GALNT16: variants seen among roughly 807,000 people sequenced by gnomAD.
GALNT16 encodes the protein polypeptide N-acetylgalactosaminyltransferase 16.
A neutral mutation model predicts 76.1 loss-of-function variants in GALNT16; 40 were observed. That is an observed-to-expected ratio of 0.53 (90% confidence interval 0.41 to 0.68). GALNT16 has a LOEUF of 0.68. Ranked by LOEUF, GALNT16 falls within the 30% of genes least tolerant of loss-of-function variation. The probability of loss-of-function intolerance (pLI) is 0.00; values close to 1 mark genes in which losing one functional copy is unlikely to be tolerated. For missense variants in GALNT16, 621 were observed against 731.9 expected (o/e 0.85, Z 1.75); for synonymous variants, 276 against 285.2 (o/e 0.97, Z 0.32).
downstream of GALNT16, among the ~76,000 whole-genome samples, chr14:69,360,698 AGAAAT>A (rs1458673149): frequency 1.3e-5 from 2 of 152,214 alleles, no homozygotes; most frequent in South Asian, 2.1e-4. Flanking sequence ...AGAAAAGAAA[AGAAAT>A]GAAGAAATGC....
rs576703537 is a variant in GALNT16 at position 69,307,454 on chromosome 14, A to G, written c.178-13257A>G. On this transcript the variant is annotated intron_variant, in intron 1 of 14. Transcript: ENST00000448469. ...AGTGGATATTGTTCCGGCTCATTTG[A>G]TATTTGAGGTGGAAGAAGACTCAGA... 1.4e-3 allele frequency among the ~76,000 whole-genome samples: 210 copies of G among 152,226 alleles called. 2 individuals carry two copies. Among genetic ancestry groups the G allele is most frequent in the South Asian group, 0.011 (54 of 4,808 alleles).
At chr14:69,316,778 G>T (rs932617242) in intron 1 of GALNT16, among the ~76,000 whole-genome samples, 3 of 126,300 alleles carry the variant, frequency 2.4e-5, no homozygotes, top group Non-Finnish European at 3.4e-5. Context: ...AGTCTGTGAG[G>T]GGGGGGGGCA....
chr14:69,286,309 T>TA (rs2044611120), intron 1 of GALNT16, among the ~76,000 whole-genome samples: 1 of 151,652 alleles, frequency 6.6e-6, no homozygotes, highest in South Asian at 2.1e-4. Context: ...AGGCACTTTT[T>TA]TTTTTTTTTT....
chr14:69,345,862 T>C (rs1198086427), intron 12 of GALNT16, among the ~76,000 whole-genome samples: 1 of 151,898 alleles, frequency 6.6e-6, no homozygotes, highest in East Asian at 1.9e-4. Flanking sequence ...CAAGTATCAT[T>C]TCACAGAGTC....
the GALNT16 span, among the ~76,000 whole-genome samples, chr14:69,367,118 G>T: frequency 1.3e-5 from 2 of 152,110 alleles, no homozygotes; most frequent in Non-Finnish European, 1.5e-5. Flanking sequence ...CAAGAAGTGT[G>T]GTCCGTACAG....
chr14:69,290,960 C>T (rs1278819989), intron 1 of GALNT16, among the ~76,000 whole-genome samples: 1 of 152,120 alleles, frequency 6.6e-6, no homozygotes, highest in Admixed American at 6.5e-5. Flanking sequence ...GGCAGCCCGC[C>T]GGCCAGGAGA....
intron 6 of GALNT16, among the ~76,000 whole-genome samples, chr14:69,329,170 C>A (rs1212679714): frequency 6.6e-6 from 1 of 152,148 alleles, no homozygotes; most frequent in Non-Finnish European, 1.5e-5. Context: ...CCAGCCTGGC[C>A]AACATGGTGA....
downstream of GALNT16, chr14:69,355,808 A>G (rs2045688688): frequency 6.6e-6 from 1 of 152,236 alleles, no homozygotes; most frequent in South Asian, 2.1e-4. Context: ...ACTTGGCTTC[A>G]GTTTTTACAA....
chr14:69,351,998 C>A (rs374291529), intron 14 of GALNT16, 33 bp from the exon 15 acceptor site: 1 of 1,569,808 alleles, frequency 6.4e-7, no homozygotes, highest in Non-Finnish European at 8.7e-7. Context: ...TTGTTTTCTC[C>A]TTCCTCTTCT....
chr14:69,286,177 G>T (rs955220221), intron 1 of GALNT16, among the ~76,000 whole-genome samples: 2 of 152,198 alleles, frequency 1.3e-5, no homozygotes, highest in African/African-American at 4.8e-5. Context: ...GGGCACGCGG[G>T]ACAAGGGCAG....
At chr14:69,320,985 A>G (rs985315829) in intron 2 of GALNT16, 117 bp downstream of exon 2, 1 of 1,066,442 alleles carries the variant, frequency 9.4e-7, no homozygotes, top group Non-Finnish European at 1.4e-6. Context: ...GACTGTGTCC[A>G]GTGATTTAGA....
intron 1 of GALNT16, among the ~76,000 whole-genome samples, chr14:69,303,524 A>G (rs1312787629): frequency 1.3e-5 from 2 of 152,212 alleles, no homozygotes; most frequent in African/African-American, 2.4e-5. Flanking sequence ...CTTACTTACC[A>G]TAAAGACAGC....
chr14:69,364,928 T>C, the GALNT16 span, among the ~76,000 whole-genome samples: 2 of 152,138 alleles, frequency 1.3e-5, no homozygotes, highest in African/African-American at 4.8e-5. The surrounding 1 kb of genome is among the most constrained non-coding windows in gnomAD (Gnocchi z 4.2). Flanking sequence ...CTCTTCAGGG[T>C]AGACACTATT....
chr14:69,272,446 G>A (rs1159268729), intron 1 of GALNT16, among the ~76,000 whole-genome samples: 5 of 152,190 alleles, frequency 3.3e-5, no homozygotes, highest in Non-Finnish European at 7.3e-5. Context: ...CTGCAACAAT[G>A]TTTTGGTCAA....
At chr14:69,381,398 T>C in the GALNT16 span, among the ~76,000 whole-genome samples, 4 of 152,240 alleles carry the variant, frequency 2.6e-5, no homozygotes, top group Non-Finnish European at 5.9e-5. Context: ...CTGTAAAGTA[T>C]TAAGGAAATC....
chr14:69,359,314 GGTTT>G (rs1330849285), downstream of GALNT16: 1 of 152,092 alleles, frequency 6.6e-6, no homozygotes, highest in East Asian at 1.9e-4. Context: ...ATTCTAACTG[GGTTT>G]GTTTTTGTTT....
chr14:69,279,035 G>A (rs1006742424), intron 1 of GALNT16, among the ~76,000 whole-genome samples: 7 of 151,848 alleles, frequency 4.6e-5, no homozygotes, highest in African/African-American at 1.2e-4. Context: ...AGGTTCAAGC[G>A]ATTCTCCGGC....
intron 11 of GALNT16, among the ~76,000 whole-genome samples, chr14:69,341,209 G>A (rs2045481208): frequency 6.6e-6 from 1 of 152,210 alleles, no homozygotes; most frequent in Non-Finnish European, 1.5e-5. Context: ...GGCCATTGTG[G>A]TGGGTGTACC....
chr14:69,325,648 A>G (rs2045272371), intron 4 of GALNT16, among the ~76,000 whole-genome samples: 1 of 152,224 alleles, frequency 6.6e-6, no homozygotes. Context: ...TAAAAAGTAA[A>G]GAAAATCAAC....
Sources: allele counts gnomAD v4.1 joint callset (sites outside exome capture counted in the v4.1 genomes callset), GRCh38; gene constraint gnomAD v4.1.1; non-coding constraint Gnocchi (gnomAD v3.1); transcripts MANE v1.5; gene names NCBI Gene and HGNC (gene_info 2026-07-23, HGNC 2026-07-21).